Variants in PPP2R2A observed in about 807,000 individuals in gnomAD.
The protein encoded by PPP2R2A is protein phosphatase 2 regulatory subunit Balpha.
Under a neutral mutation model 53.2 loss-of-function variants are expected in PPP2R2A, and 9 were observed. That is an observed-to-expected ratio of 0.17 (90% CI 0.10 to 0.30). The LOEUF is 0.30. Ranked by LOEUF, PPP2R2A falls within the 10% of genes least tolerant of loss-of-function variation. The probability of loss-of-function intolerance (pLI) is 1.00; values close to 1 mark genes in which losing one functional copy is unlikely to be tolerated. For missense variants in PPP2R2A, 235 were observed against 534.6 expected (o/e 0.44, Z 5.53); for synonymous variants, 169 against 174.2 (o/e 0.97, Z 0.23).
intron 2 of PPP2R2A, among the ~76,000 whole-genome samples, chr8:26,317,433 G>A (rs1366848965): frequency 6.6e-6 from 1 of 151,900 alleles, no homozygotes; most frequent in East Asian, 1.9e-4. Context: ...TGATTTTTTT[G>A]TTCTGTGATT....
At chr8:26,307,941 T>C (rs1379878208) in intron 2 of PPP2R2A, among the ~76,000 whole-genome samples, 1 of 152,182 alleles carries the variant, frequency 6.6e-6, no homozygotes, top group Non-Finnish European at 1.5e-5. Flanking sequence ...AAAAATAAAA[T>C]CAAATATAGG....
chr8:26,363,998 A>C, intron 8 of PPP2R2A, 108 bp downstream of exon 8: 1 of 1,014,732 alleles, frequency 9.9e-7, no homozygotes, highest in Non-Finnish European at 1.4e-6. Flanking sequence ...TTTGTTCACC[A>C]TTAGGCCTTT....
chr8:26,332,810 T>C (rs1803455146), intron 2 of PPP2R2A, among the ~76,000 whole-genome samples: 1 of 152,230 alleles, frequency 6.6e-6, no homozygotes, highest in Non-Finnish European at 1.5e-5. Context: ...CACAGACATT[T>C]TGACAATGAA....
At chr8:26,343,154 A>G (rs1487046021) in intron 3 of PPP2R2A, among the ~76,000 whole-genome samples, 1 of 152,088 alleles carries the variant, frequency 6.6e-6, no homozygotes, top group Non-Finnish European at 1.5e-5. Flanking sequence ...AGCCTGGGCA[A>G]CAGAGTGAGA....
intron 2 of PPP2R2A, among the ~76,000 whole-genome samples, chr8:26,318,733 T>C (rs1802688319): frequency 6.6e-6 from 1 of 152,180 alleles, no homozygotes; most frequent in Non-Finnish European, 1.5e-5. Flanking sequence ...CCTGTAACTA[T>C]TTTTTGTCAG....
At chr8:26,320,026 TA>T (rs1802756765) in intron 2 of PPP2R2A, among the ~76,000 whole-genome samples, 1 of 152,212 alleles carries the variant, frequency 6.6e-6, no homozygotes, top group South Asian at 2.1e-4. Flanking sequence ...TTTGCCAAGG[TA>T]AGTGATTTTA....
At chr8:26,364,059 A>G (rs1317245890) in intron 8 of PPP2R2A, among the ~76,000 whole-genome samples, 169 bp downstream of exon 8, 1 of 152,136 alleles carries the variant, frequency 6.6e-6, no homozygotes, top group Non-Finnish European at 1.5e-5. Flanking sequence ...AAATGTATAT[A>G]TACTTACATA....
Position 26,366,353 on chromosome 8 carries a change from T to C in PPP2R2A, c.1011T>C (p.Tyr337=). ...TCAGAAGTAAACTCTGTTCACTGTA[T>C]GAAAATGACTGCATATTTGACAAAT... is the stretch of plus-strand genomic sequence containing the variant. ...EYLRSKLCSL[Y]ENDCIFDKFE... Residue 337 remains tyrosine (Y), a synonymous_variant, in exon 9 of 10, where the codon TAT becomes TAC. Transcript: ENST00000380737. The C allele has an allele frequency of 6.2e-7, 1 of 1,604,794 alleles. No individual in the cohort carries two copies. Among genetic ancestry groups the C allele is most frequent in the Admixed American group, 1.7e-5 (1 of 57,912 alleles).
chr8:26,368,445 T>C (rs771184448), intron 9 of PPP2R2A, among the ~76,000 whole-genome samples: 42 of 152,340 alleles, frequency 2.8e-4, no homozygotes, highest in Non-Finnish European at 4.6e-4. Flanking sequence ...GGATACTTAA[T>C]AAATGTCGAG....
At chr8:26,342,968 G>A (rs1242087425) in intron 3 of PPP2R2A, among the ~76,000 whole-genome samples, 1 of 152,100 alleles carries the variant, frequency 6.6e-6, no homozygotes, top group Non-Finnish European at 1.5e-5. Flanking sequence ...GAGGCAGGTG[G>A]ATCACTTGAG....
Position 26,338,722 on chromosome 8 carries a change from A to G in PPP2R2A, c.83-168A>G, listed in dbSNP as rs1435932312. ...GGAGAATTTTTATTAGTGGATCAAA[A>G]TATTTATGAAAGAACTTTAGATTCA... On this transcript the variant is annotated intron_variant, in intron 2 of 9. Coordinates refer to ENST00000380737, the MANE Select transcript of PPP2R2A (RefSeq NM_002717.4). This position sits in a 1 kb window ranked among gnomAD's most constrained non-coding sequence, Gnocchi z 4.5. 6.6e-6 allele frequency among the ~76,000 whole-genome samples: 1 copy of G among 152,212 alleles called. No homozygotes were observed. Among genetic ancestry groups the G allele is most frequent in the Admixed American group, 6.5e-5 (1 of 15,286 alleles).
chr8:26,341,476 G>A (rs1420498808), intron 3 of PPP2R2A, among the ~76,000 whole-genome samples: 1 of 152,158 alleles, frequency 6.6e-6, no homozygotes, highest in African/African-American at 2.4e-5. Context: ...GTATATATCT[G>A]TAAGATAGTG....
chr8:26,366,085 C>G, intron 8 of PPP2R2A: 1 of 425,074 alleles, frequency 2.4e-6, no homozygotes, highest in Non-Finnish European at 4.1e-6. Context: ...TGTGCCATGC[C>G]CAGAATGGAG....
chr8:26,359,675 T>C (rs900019596), intron 4 of PPP2R2A, among the ~76,000 whole-genome samples: 3 of 152,092 alleles, frequency 2.0e-5, no homozygotes, highest in African/African-American at 7.3e-5. Flanking sequence ...TCCAGTCCTA[T>C]GGAGGCCTCT....
intron 2 of PPP2R2A, among the ~76,000 whole-genome samples, chr8:26,304,368 T>C (rs548782491): frequency 3.9e-5 from 6 of 152,148 alleles, no homozygotes; most frequent in Non-Finnish European, 7.3e-5. Context: ...GCTTATTTTA[T>C]ACTTTAATCA....
At chr8:26,307,499 G>C (rs950385923) in intron 2 of PPP2R2A, among the ~76,000 whole-genome samples, 4 of 152,162 alleles carry the variant, frequency 2.6e-5, no homozygotes, top group African/African-American at 9.7e-5. Flanking sequence ...TTGGTCACTT[G>C]TCCACCATGT....
rs917638143 is a variant in PPP2R2A, at chr8:26,354,207, A to C, written c.181-261A>C. On this transcript the variant is annotated intron_variant, in intron 3 of 9. Transcript: ENST00000380737. This position sits in a 1 kb window ranked among gnomAD's most constrained non-coding sequence, Gnocchi z 4.6. The stretch of plus-strand genomic sequence containing the variant: ...TCAAATACATAAGAGTAAATTAGCA[A>C]TCAAATTGATCCATATTTAACGTCA... 1.3e-5 allele frequency among the ~76,000 whole-genome samples: 2 copies of C among 152,102 alleles called. No individual in the cohort carries two copies. The highest frequency in any genetic ancestry group is 2.9e-5 in the Non-Finnish European group (2 of 68,024).
At chr8:26,359,626 C>T (rs1203717986) in intron 4 of PPP2R2A, among the ~76,000 whole-genome samples, 2 of 131,418 alleles carry the variant, frequency 1.5e-5, no homozygotes, top group African/African-American at 2.9e-5. Flanking sequence ...TACTTGTGAA[C>T]CCTGATACAA....
intron 3 of PPP2R2A, among the ~76,000 whole-genome samples, chr8:26,352,210 GTTTGAT>G (rs1804554551): frequency 6.6e-6 from 1 of 152,194 alleles, no homozygotes; most frequent in Admixed American, 6.5e-5. Flanking sequence ...AAAACATTGT[GTTTGAT>G]TTTGATGCAT....
Sources: gnomAD v4.1 joint callset for allele counts (sites outside exome capture counted in the v4.1 genomes callset) on GRCh38, gnomAD v4.1.1 for gene constraint, Gnocchi (gnomAD v3.1) non-coding constraint, MANE v1.5 for transcripts, NCBI Gene and HGNC (gene_info 2026-07-23, HGNC 2026-07-21) for gene names.